The following SPATA16 variants were observed in gnomAD, a reference collection of about 807,000 sequenced individuals.
SPATA16 encodes spermatogenesis associated 16.
Under a neutral mutation model 63.3 loss-of-function variants are expected in SPATA16, and 36 were observed. That is an observed-to-expected ratio of 0.57 (90% CI 0.44 to 0.75). The LOEUF is 0.75. SPATA16 is among the 30% of genes least tolerant of loss of function. The probability of loss-of-function intolerance (pLI) is 0.00; values close to 1 mark genes in which losing one functional copy is unlikely to be tolerated. For missense variants in SPATA16, 646 were observed against 679.3 expected (o/e 0.95, Z 0.54); for synonymous variants, 203 against 216.7 (o/e 0.94, Z 0.56).
intron 5 of SPATA16, among the ~76,000 whole-genome samples, chr3:172,965,113 T>A (rs1226305822): frequency 6.6e-6 from 1 of 152,226 alleles, no homozygotes; most frequent in Non-Finnish European, 1.5e-5. Flanking sequence ...ACTATTCTGT[T>A]AGTTTGCTAA....
At chr3:173,052,492 A>T (rs1023253162) in intron 2 of SPATA16, among the ~76,000 whole-genome samples, 3 of 152,188 alleles carry the variant, frequency 2.0e-5, no homozygotes, top group Admixed American at 1.3e-4. Flanking sequence ...TACTGACTAT[A>T]TCGAAGATTG....
chr3:172,914,988 A>AT (rs1407919152), intron 9 of SPATA16, among the ~76,000 whole-genome samples: 1 of 152,064 alleles, frequency 6.6e-6, no homozygotes, highest in African/African-American at 2.4e-5. Flanking sequence ...CAGGATCAAC[A>AT]TTTTGCCGGC....
At chr3:172,966,206 G>C (rs2108243459) in intron 5 of SPATA16, among the ~76,000 whole-genome samples, 1 of 152,242 alleles carries the variant, frequency 6.6e-6, no homozygotes, top group African/African-American at 2.4e-5. Flanking sequence ...ATGAGATAAA[G>C]TGCTAACTTC....
chr3:172,938,166 T>C (rs1733053317), intron 6 of SPATA16, among the ~76,000 whole-genome samples: 1 of 152,220 alleles, frequency 6.6e-6, no homozygotes, highest in Non-Finnish European at 1.5e-5. Flanking sequence ...ACAGTTCTTA[T>C]GAAATTTGCT....
intron 4 of SPATA16, among the ~76,000 whole-genome samples, chr3:172,979,744 C>T (rs920311058): frequency 6.6e-6 from 1 of 152,028 alleles, no homozygotes; most frequent in East Asian, 1.9e-4. Flanking sequence ...TTTAAAGGAA[C>T]ACAGCTCTCC....
intron 6 of SPATA16, among the ~76,000 whole-genome samples, chr3:172,929,592 C>A (rs958394127): frequency 1.3e-5 from 2 of 152,118 alleles, no homozygotes; most frequent in African/African-American, 4.8e-5. Context: ...CACACACATT[C>A]CCCTTTCTCC....
Position 173,117,454 on chromosome 3 carries a change from G to A in SPATA16, c.278C>T (p.Thr93Ile). 6.2e-7 allele frequency: 1 copy of A among 1,614,120 alleles called. No individual in the cohort carries two copies. Among genetic ancestry groups the A allele is most frequent in the South Asian group, 1.1e-5 (1 of 91,076 alleles). Reference protein sequence around the residue: ...KRKAEGEEKPTRKKQAKITEL... With the variant: ...KRKAEGEEKPIRKKQAKITEL... ...TGTTATCTTTGCCTGTTTCTTTCTA[G>A]TTGGCTTTTCTTCACCTTCTGCCTT... is the stretch of plus-strand genomic sequence containing the variant. The change falls in exon 2 of 11, where the codon ACT becomes ATT. Residue 93 changes from threonine to isoleucine, a missense_variant. Thr to Ile is a moderately conservative substitution (Grantham distance 89). Transcript: ENST00000351008.
intron 4 of SPATA16, among the ~76,000 whole-genome samples, chr3:173,011,515 A>C (rs150475853): frequency 1.9e-4 from 29 of 152,326 alleles, no homozygotes; most frequent in Admixed American, 5.2e-4. Flanking sequence ...GCAACCTACT[A>C]AATGGGCAAA....
intron 2 of SPATA16, among the ~76,000 whole-genome samples, chr3:173,056,327 T>G (rs1736220910): frequency 6.6e-6 from 1 of 152,218 alleles, no homozygotes; most frequent in African/African-American, 2.4e-5. Context: ...TAGTACTTAT[T>G]TACAAGTAAT....
At chr3:172,917,867 G>A (rs973903852) in intron 8 of SPATA16, among the ~76,000 whole-genome samples, 12 of 152,138 alleles carry the variant, frequency 7.9e-5, no homozygotes, top group South Asian at 2.1e-4. Context: ...GGCCACACTC[G>A]TATTCTGACT....
At chr3:172,980,887 A>T (rs1734292330) in intron 4 of SPATA16, among the ~76,000 whole-genome samples, 1 of 152,174 alleles carries the variant, frequency 6.6e-6, no homozygotes, top group Non-Finnish European at 1.5e-5. Flanking sequence ...ACTCTTGAAA[A>T]AGCCGTGTGC....
intron 6 of SPATA16, among the ~76,000 whole-genome samples, chr3:172,954,668 T>C (rs1733530428): frequency 6.6e-6 from 1 of 152,194 alleles, no homozygotes; most frequent in Non-Finnish European, 1.5e-5. Context: ...TCAGCCACCT[T>C]GGAATTGCCT....
At chr3:172,917,902 T>C (rs2109568286) in intron 8 of SPATA16, among the ~76,000 whole-genome samples, 1 of 152,220 alleles carries the variant, frequency 6.6e-6, no homozygotes, top group East Asian at 1.9e-4. Flanking sequence ...GAAGCTGACA[T>C]TTTCTCTAGA....
intron 4 of SPATA16, among the ~76,000 whole-genome samples, chr3:172,990,839 C>G (rs1275054803): frequency 6.6e-6 from 1 of 152,124 alleles, no homozygotes; most frequent in Non-Finnish European, 1.5e-5. Flanking sequence ...TTCCCCTTTT[C>G]TGTTTGGACC....
intron 2 of SPATA16, among the ~76,000 whole-genome samples, chr3:173,056,705 C>CAAAAAAAAAAAAAAAAAAAA (rs71162325): frequency 4.1e-5 from 3 of 73,598 alleles, no homozygotes; most frequent in African/African-American, 1.7e-4. Flanking sequence ...ACTCTTGTTT[C>CAAAAAAAAAAAAAAAAAAAA]AAAAAAAAAA....
chr3:173,078,803 G>A (rs920143630), intron 2 of SPATA16, among the ~76,000 whole-genome samples: 1 of 152,110 alleles, frequency 6.6e-6, no homozygotes, highest in Admixed American at 6.5e-5. Context: ...AGCCCTTGAT[G>A]CCACGGCACT....
intron 6 of SPATA16, among the ~76,000 whole-genome samples, chr3:172,947,409 G>T: frequency 6.8e-6 from 1 of 147,830 alleles, no homozygotes; most frequent in East Asian, 1.9e-4. Flanking sequence ...ACCCACCTTG[G>T]ATTTCCTTTA....
intron 3 of SPATA16, among the ~76,000 whole-genome samples, chr3:173,025,574 C>T (rs533608175): frequency 2.0e-5 from 3 of 151,912 alleles, no homozygotes; most frequent in Admixed American, 6.6e-5. Flanking sequence ...AATTTACAAC[C>T]GTACTAAACA....
chr3:173,089,630 T>C, intron 2 of SPATA16, among the ~76,000 whole-genome samples: 1 of 152,140 alleles, frequency 6.6e-6, no homozygotes, highest in East Asian at 1.9e-4. Context: ...GGTGGTGGAT[T>C]GTGTCAGGAA....
Sources: gnomAD v4.1 joint callset for allele counts (sites outside exome capture counted in the v4.1 genomes callset) on GRCh38, gnomAD v4.1.1 for gene constraint, MANE v1.5 for transcripts, NCBI Gene and HGNC (gene_info 2026-07-23, HGNC 2026-07-21) for gene names.